MAST4: variants seen among roughly 807,000 people sequenced by gnomAD.
MAST4 encodes the protein microtubule associated serine/threonine kinase family member 4.
In MAST4, 89 loss-of-function variants were observed where a neutral mutation model predicts 162.7. The observed-to-expected ratio is 0.55, with a 90% CI of 0.46 to 0.65. The LOEUF is 0.65. MAST4 is among the 30% of genes least tolerant of loss of function. MAST4 has a pLI of 0.00. For missense variants in MAST4, 3,153 were observed against 3,374.0 expected (o/e 0.93, Z 1.62); for synonymous variants, 1,479 against 1,361.1 (o/e 1.09, Z -1.91).
At chr5:67,056,556 CGTG>C (rs1758854231) in intron 5 of MAST4, among the ~76,000 whole-genome samples, 1 of 152,114 alleles carries the variant, frequency 6.6e-6, no homozygotes, top group Non-Finnish European at 1.5e-5. Context: ...GACGACAGAA[CGTG>C]GTGAAGACTT....
chr5:66,645,993 A>G (rs958556309), intron 1 of MAST4, among the ~76,000 whole-genome samples: 3 of 152,138 alleles, frequency 2.0e-5, no homozygotes, highest in African/African-American at 7.2e-5. Context: ...TTTGTTCTAT[A>G]TTGCTAAAGT....
At position 66,931,804 on chromosome 5, in the gene MAST4, A is replaced by G. The variant is rs527739733; in HGVS notation, c.674+31822A>G. On this transcript the variant is annotated intron_variant, in intron 4 of 28. Coordinates refer to ENST00000403625, the MANE Select transcript of MAST4 (RefSeq NM_001164664.2). The stretch of plus-strand genomic sequence containing the variant: ...AAATAGCATCCAGTTTCCCCAGCGC[A>G]GGACTATAATAGTTTCCTACTGAAA... Among the ~76,000 whole-genome samples, 66 of 152,300 alleles carry G rather than the reference A, an allele frequency of 4.3e-4. 2 individuals are homozygous for G. The highest frequency in any genetic ancestry group is 3.4e-3 in the Middle Eastern group (1 of 294).
At chr5:66,752,684 A>G (rs1753259282) in intron 1 of MAST4, among the ~76,000 whole-genome samples, 1 of 148,392 alleles carries the variant, frequency 6.7e-6, no homozygotes, top group Admixed American at 6.7e-5. Context: ...AGACTCCCAC[A>G]CATTAATAAT....
chr5:66,889,310 G>C (rs1357476592), intron 3 of MAST4, among the ~76,000 whole-genome samples: 1 of 152,132 alleles, frequency 6.6e-6, no homozygotes, highest in African/African-American at 2.4e-5. Context: ...AAGTGGCAGG[G>C]CTGATACGCA....
In MAST4 at chr5:66,692,135, ACT is replaced by A. The variant is rs1206820085; in HGVS notation, c.364-67566_364-67565del. 2.6e-5 allele frequency among the ~76,000 whole-genome samples: 4 copies of A among 151,878 alleles called. No individual in the cohort carries two copies. In the East Asian group the frequency reaches 5.9e-4, roughly 22 times the overall value. ...TAAAGTATGCTTCTTGCGTTTTTGC[ACT>A]CTCTCTCACACTCTCACTCATGTGC... is the stretch of plus-strand genomic sequence containing the variant. On this transcript the variant is annotated intron_variant, in intron 1 of 28. Transcript: ENST00000403625.
intron 1 of MAST4, among the ~76,000 whole-genome samples, chr5:66,602,668 G>A (rs985347204): frequency 7.2e-5 from 11 of 152,290 alleles, no homozygotes; most frequent in Admixed American, 5.2e-4. Flanking sequence ...GGGCTAGGGG[G>A]TGTGCATCTT....
chr5:66,959,129 C>T, intron 4 of MAST4: 3 of 717,804 alleles, frequency 4.2e-6, no homozygotes, highest in Non-Finnish European at 7.8e-6. Context: ...CCCCCTCCCC[C>T]TCGAGAGAGT....
Position 66,596,616 on chromosome 5 carries a change from G to A in MAST4, c.-40G>A, listed in dbSNP as rs984672263. The A allele has an allele frequency of 2.9e-6, 4 of 1,393,624 alleles. No homozygotes were observed. The highest frequency in any genetic ancestry group is 3.7e-6 in the Non-Finnish European group (4 of 1,077,242). 86.3% of individuals were successfully genotyped at this position (1,393,624 alleles called of 1,614,324 possible). A position where few individuals can be genotyped will look rare whatever the true frequency, so the allele number is the denominator to read the frequency against. ...CCGGGAGGCGCTGAGTGCGCGCCGC[G>A]CCCCCGCCGCTCGGGAGGCACTTTG... is the stretch of plus-strand genomic sequence containing the variant. On this transcript the variant is annotated 5_prime_UTR_variant, in exon 1 of 29. Coordinates refer to ENST00000403625, the MANE Select transcript of MAST4 (RefSeq NM_001164664.2).
chr5:66,697,706 T>G (rs1309268780), intron 1 of MAST4, among the ~76,000 whole-genome samples: 1 of 152,252 alleles, frequency 6.6e-6, no homozygotes, highest in Admixed American at 6.5e-5. Context: ...TATGCTAACA[T>G]GTAATAGATT....
At chr5:66,987,100 G>A (rs1581116205) in intron 4 of MAST4, among the ~76,000 whole-genome samples, 1 of 152,076 alleles carries the variant, frequency 6.6e-6, no homozygotes, top group Admixed American at 6.6e-5. Context: ...TTTCTAATGG[G>A]CATATTTTAG....
intron 1 of MAST4, among the ~76,000 whole-genome samples, chr5:66,601,500 A>G (rs547736960): frequency 2.5e-4 from 38 of 152,338 alleles, no homozygotes; most frequent in African/African-American, 7.7e-4. Context: ...CTGCACTTGT[A>G]AGTCACTGAG....
intron 3 of MAST4, among the ~76,000 whole-genome samples, chr5:66,800,488 A>G (rs142018237): frequency 1.8e-4 from 28 of 152,306 alleles, no homozygotes; most frequent in African/African-American, 6.5e-4. Flanking sequence ...TGGGAGCTAA[A>G]TGATGAGAAC....
chr5:66,990,762 C>G (rs1429749298), intron 4 of MAST4, among the ~76,000 whole-genome samples: 2 of 152,122 alleles, frequency 1.3e-5, no homozygotes, highest in Admixed American at 6.5e-5. Flanking sequence ...GAGACTTTTT[C>G]TTAAGTTACT....
intron 1 of MAST4, among the ~76,000 whole-genome samples, chr5:66,661,543 C>T (rs1056794436): frequency 4.6e-4 from 70 of 152,262 alleles, no homozygotes; most frequent in African/African-American, 1.7e-3. Context: ...TAACTCTGAA[C>T]TTGGCTAATG....
At position 67,168,919 on chromosome 5, in the gene MAST4, G is replaced by A. The variant is rs1447156530; in HGVS notation, c.*1868G>A. 1 of 152,018 alleles carries A rather than the reference G, an allele frequency of 6.6e-6. No homozygotes were observed. The highest frequency in any genetic ancestry group is 2.1e-4 in the South Asian group (1 of 4,824). The allele number at this position is 152,018 out of a possible 1,614,324, so 9.4% of individuals were successfully genotyped here. The stretch of plus-strand genomic sequence containing the variant: ...AAAAAAACAAACAAAAAAAGAAAAA[G>A]AAAAAAGCCTCCTCCTTGCCCCTAA... On this transcript the variant is annotated 3_prime_UTR_variant, in exon 29 of 29. Coordinates refer to ENST00000403625, the MANE Select transcript of MAST4 (RefSeq NM_001164664.2).
intron 4 of MAST4, among the ~76,000 whole-genome samples, chr5:66,999,961 C>T (rs1024262298): frequency 6.6e-6 from 1 of 152,204 alleles, no homozygotes; most frequent in African/African-American, 2.4e-5. Flanking sequence ...GAAACGCTTT[C>T]TTCAACCTGT....
intron 1 of MAST4, among the ~76,000 whole-genome samples, chr5:66,614,000 C>T (rs1239905357): frequency 1.3e-5 from 2 of 152,092 alleles, no homozygotes; most frequent in Non-Finnish European, 2.9e-5. Flanking sequence ...AGCAAGGCAG[C>T]CAAGGGGACT....
chr5:66,744,966 C>G (rs1752668257), intron 1 of MAST4, among the ~76,000 whole-genome samples: 1 of 151,974 alleles, frequency 6.6e-6, no homozygotes, highest in South Asian at 2.1e-4. Flanking sequence ...CTTTATAGTT[C>G]TGAAAAAATG....
chr5:66,646,275 T>C (rs1745830075), intron 1 of MAST4, among the ~76,000 whole-genome samples: 1 of 152,204 alleles, frequency 6.6e-6, no homozygotes, highest in South Asian at 2.1e-4. Flanking sequence ...TAAATCATTT[T>C]TATTGTTTTT....
Sources: allele counts gnomAD v4.1 joint callset (sites outside exome capture counted in the v4.1 genomes callset), GRCh38; gene constraint gnomAD v4.1.1; transcripts MANE v1.5; gene names NCBI Gene and HGNC (gene_info 2026-07-23, HGNC 2026-07-21).